SYT17: variants seen among roughly 807,000 people sequenced by gnomAD.
SYT17 encodes the protein synaptotagmin-17.
SYT17 carries 22 observed loss-of-function variants against 46.7 expected under a neutral mutation model. The observed-to-expected ratio is 0.47, with a 90% CI of 0.34 to 0.67. SYT17 has a LOEUF of 0.67. Among genes scored for constraint, SYT17 ranks in the 30% least tolerant of loss-of-function variants. The pLI is 0.01. For synonymous variants in SYT17, 251 were observed against 248.4 expected, an observed-to-expected ratio of 1.01 and a Z score of -0.10; for missense variants, 519 against 612.8, an observed-to-expected ratio of 0.85 and a Z score of 1.62.
intron 7 of SYT17, among the ~76,000 whole-genome samples, chr16:19,237,459 G>A (rs796579667): frequency 1.4e-4 from 21 of 152,224 alleles, no homozygotes; most frequent in African/African-American, 3.6e-4. Context: ...CCAACAGTGC[G>A]CCATCTCAGT....
chr16:19,255,315 G>C (rs1009262765), intron 7 of SYT17, among the ~76,000 whole-genome samples: 2 of 152,128 alleles, frequency 1.3e-5, no homozygotes, highest in Admixed American at 1.3e-4. Context: ...CACTTACACT[G>C]ATATTTGGGG....
At chr16:19,235,253 T>C (rs1026682181) in intron 7 of SYT17, among the ~76,000 whole-genome samples, 5 of 152,084 alleles carry the variant, frequency 3.3e-5, no homozygotes, top group African/African-American at 1.2e-4. Flanking sequence ...GCTACACAAG[T>C]GGATATTATT....
intron 5 of SYT17, among the ~76,000 whole-genome samples, chr16:19,189,480 A>G (rs999487619): frequency 6.6e-6 from 1 of 152,028 alleles, no homozygotes; most frequent in African/African-American, 2.4e-5. Context: ...GGCTGGGACC[A>G]TGTGGTACCA....
At chr16:19,198,780 G>A (rs751124724) in intron 5 of SYT17, among the ~76,000 whole-genome samples, 9 of 152,222 alleles carry the variant, frequency 5.9e-5, no homozygotes, top group Admixed American at 1.3e-4. Flanking sequence ...ATGAGGCAAG[G>A]CCTCAATTAA....
intron 5 of SYT17, among the ~76,000 whole-genome samples, chr16:19,217,782 G>A (rs1403210422): frequency 1.3e-5 from 2 of 152,200 alleles, no homozygotes; most frequent in Non-Finnish European, 2.9e-5. Flanking sequence ...ATTACCACCA[G>A]CAGTATACAG....
intron 5 of SYT17, among the ~76,000 whole-genome samples, chr16:19,194,817 C>G (rs547913476): frequency 6.6e-6 from 1 of 152,094 alleles, no homozygotes; most frequent in African/African-American, 2.4e-5. Context: ...AGGCTGGTCT[C>G]GAACTCCTGA....
chr16:19,266,586 G>A (rs955203786), intron 7 of SYT17, among the ~76,000 whole-genome samples: 8 of 152,174 alleles, frequency 5.3e-5, no homozygotes, highest in South Asian at 4.1e-4. Flanking sequence ...TGCAGGCGGT[G>A]CAGCTGTCTG....
intron 5 of SYT17, 135 bp from the exon 6 acceptor site, chr16:19,222,910 A>G: frequency 8.6e-7 from 1 of 1,161,850 alleles, no homozygotes; most frequent in Non-Finnish European, 1.2e-6. Flanking sequence ...AAGAAGTCAC[A>G]CACAGAGGCT....
chr16:19,231,595 C>T lies in SYT17; in HGVS notation c.1228+6757C>T, dbSNP rs568708421. Among the ~76,000 whole-genome samples the T allele has an allele frequency of 1.9e-3, 276 of 143,470 alleles. 2 individuals are homozygous for T. Among genetic ancestry groups the T allele is most frequent in the Middle Eastern group, 3.8e-3 (1 of 260 alleles). The allele number at this position is 143,470 out of a possible 152,430, so 94.1% of individuals were successfully genotyped here. A position where few individuals can be genotyped will look rare whatever the true frequency, so the allele number is the denominator to read the frequency against. On this transcript the variant is annotated intron_variant, in intron 7 of 7. Coordinates refer to ENST00000355377, the MANE Select transcript of SYT17 (RefSeq NM_016524.4). ...TCCCTTGGCAAACTTGATCAAGAGG[C>T]GGCCCTTGGCTAAGGAAGCGTTTCC...
rs1567201663 is a variant in SYT17, at chr16:19,183,877, C to T, written c.681C>T (p.Ser227=). The T allele has an allele frequency of 1.2e-6, 2 of 1,614,120 alleles. No homozygotes were observed. Among genetic ancestry groups the T allele is most frequent in the African/African-American group, 1.3e-5 (1 of 74,948 alleles). ...HDGSRQDMAH[S]NPYVKICLLP... ...GCTCGCGCCAGGACATGGCGCACTC[C>T]AACCCCTACGTCAAGATCTGTCTCC... The change falls in exon 5 of 8, where the codon TCC becomes TCT. Residue 227 remains serine, a synonymous_variant. Transcript: ENST00000355377. The surrounding 1 kb of genome is among the most constrained non-coding windows in gnomAD (Gnocchi z 5.6).
chr16:19,174,650 G>A (rs1006369412), intron 3 of SYT17, among the ~76,000 whole-genome samples: 1 of 152,086 alleles, frequency 6.6e-6, no homozygotes, highest in African/African-American at 2.4e-5. Flanking sequence ...CTACTATTTC[G>A]AGTTCTGTGA....
chr16:19,254,610 C>T (rs1159118806), intron 7 of SYT17, among the ~76,000 whole-genome samples: 1 of 152,216 alleles, frequency 6.6e-6, no homozygotes, highest in East Asian at 1.9e-4. Flanking sequence ...AGACCTTCTG[C>T]AGGCCTTACC....
At chr16:19,188,252 C>T (rs780008959) in intron 5 of SYT17, among the ~76,000 whole-genome samples, 30 of 152,162 alleles carry the variant, frequency 2.0e-4, no homozygotes, top group Admixed American at 7.2e-4. Context: ...CCAAATACTC[C>T]GTGTTCTCAC....
chr16:19,176,984 C>G (rs9673453), intron 3 of SYT17, among the ~76,000 whole-genome samples: 1 of 151,860 alleles, frequency 6.6e-6, no homozygotes, highest in Non-Finnish European at 1.5e-5. Context: ...TTCTTCGATA[C>G]CAGCGGAGAC....
At chr16:19,171,821 T>G (rs1964106190) in intron 1 of SYT17, 1 of 152,130 alleles carries the variant, frequency 6.6e-6, no homozygotes, top group Admixed American at 6.6e-5. Flanking sequence ...TAGGTGGACG[T>G]GGCTGTCTCC....
chr16:19,222,472 G>A (rs534873725), intron 5 of SYT17, among the ~76,000 whole-genome samples: 20 of 152,262 alleles, frequency 1.3e-4, no homozygotes, highest in Non-Finnish European at 2.4e-4. Flanking sequence ...TGTTGCTATC[G>A]TGAGGTTAGA....
chr16:19,200,534 G>A (rs1965420497), intron 5 of SYT17, among the ~76,000 whole-genome samples: 1 of 152,182 alleles, frequency 6.6e-6, no homozygotes, highest in South Asian at 2.1e-4. Context: ...AGAGGCAAGG[G>A]GTTCCTCTAC....
chr16:19,182,157 G>A (rs140807213), intron 4 of SYT17, among the ~76,000 whole-genome samples: 7 of 152,332 alleles, frequency 4.6e-5, no homozygotes, highest in African/African-American at 1.7e-4. Flanking sequence ...GCTCACGCCT[G>A]TAATCCCAGC....
chr16:19,190,510 C>G (rs557975400), intron 5 of SYT17, among the ~76,000 whole-genome samples: 1 of 152,286 alleles, frequency 6.6e-6, no homozygotes, highest in East Asian at 1.9e-4. Context: ...ACCACCATCC[C>G]TCTCCAGAAC....
Sources: gnomAD v4.1 joint callset for allele counts (sites outside exome capture counted in the v4.1 genomes callset) on GRCh38, gnomAD v4.1.1 for gene constraint, Gnocchi (gnomAD v3.1) non-coding constraint, MANE v1.5 for transcripts, NCBI Gene and HGNC (gene_info 2026-07-23, HGNC 2026-07-21) for gene names.